Variants in LUZP2 observed in about 807,000 individuals in gnomAD.
The protein encoded by LUZP2 is leucine zipper protein 2.
LUZP2 carries 52 observed loss-of-function variants against 51.6 expected under a neutral mutation model. That is an observed-to-expected ratio of 1.01 (90% CI 0.81 to 1.27). The LOEUF (loss-of-function observed/expected upper bound fraction) is 1.27, where lower values mean the gene tolerates loss of function less well. Among genes scored for constraint, LUZP2 ranks in the 50% most tolerant of loss-of-function variants. The pLI, the probability that LUZP2 is intolerant of heterozygous loss-of-function variation, is 0.00. For synonymous variants in LUZP2, 154 were observed against 137.3 expected (o/e 1.12, Z -0.85); for missense variants, 436 against 395.4 (o/e 1.10, Z -0.87).
chr11:24,647,978 CT>C (rs1386132417), intron 1 of LUZP2, among the ~76,000 whole-genome samples: 2 of 151,838 alleles, frequency 1.3e-5, no homozygotes, highest in African/African-American at 4.8e-5. Context: ...GTACTCTTTT[CT>C]ATCATTACTC....
chr11:24,731,340 G>T (rs1412830674), intron 2 of LUZP2, among the ~76,000 whole-genome samples: 1 of 146,558 alleles, frequency 6.8e-6, no homozygotes, highest in Non-Finnish European at 1.5e-5. Flanking sequence ...CTATTCTTTT[G>T]CAAACAATAT....
chr11:24,527,565 TCTCA>T (rs200349058), intron 1 of LUZP2, among the ~76,000 whole-genome samples: 12,611 of 124,386 alleles, frequency 0.1, 588 homozygotes, highest in African/African-American at 0.15. Flanking sequence ...TCTCTCTCTC[TCTCA>T]CACACACACA....
chr11:25,040,660 C>T (rs1259705218), intron 9 of LUZP2, among the ~76,000 whole-genome samples: 1 of 152,050 alleles, frequency 6.6e-6, no homozygotes, highest in Non-Finnish European at 1.5e-5. Context: ...GTTGCAATAT[C>T]CCAAGAGTTC....
At chr11:24,545,555 C>CT (rs3992984) in intron 1 of LUZP2, among the ~76,000 whole-genome samples, 12,561 of 120,684 alleles carry the variant, frequency 0.1, 1,036 homozygotes, top group East Asian at 0.19. Context: ...TTGTTGCTTG[C>CT]TTTTTTTTTT....
At chr11:24,791,220 C>T (rs1849398789) in intron 5 of LUZP2, among the ~76,000 whole-genome samples, 1 of 152,068 alleles carries the variant, frequency 6.6e-6, no homozygotes, top group South Asian at 2.1e-4. Flanking sequence ...TATTACAGAT[C>T]CAAGCTATCT....
At chr11:25,017,933 C>T (rs191803455) in intron 9 of LUZP2, among the ~76,000 whole-genome samples, 1 of 152,014 alleles carries the variant, frequency 6.6e-6, no homozygotes, top group East Asian at 1.9e-4. Context: ...TTTCCATTTG[C>T]TTGTGTCATC....
Position 24,644,488 on chromosome 11 carries a change from CTCTTT to C in LUZP2, c.63-84679_63-84675del, listed in dbSNP as rs1294719724. Among the ~76,000 whole-genome samples the C allele has an allele frequency of 2.7e-4, 41 of 151,836 alleles. No individual in the cohort carries two copies. The South Asian group carries it at 4.0e-3, about 15-fold the overall frequency. ...CACACATTCTCCTCCTTTCCAACCT[CTCTTT>C]TTTTTTTTTTCACAGCTACCCAACT... On this transcript the variant is annotated intron_variant, in intron 1 of 11. Transcript: ENST00000336930.
At chr11:24,589,428 A>G (rs939466779) in intron 1 of LUZP2, among the ~76,000 whole-genome samples, 2 of 152,198 alleles carry the variant, frequency 1.3e-5, no homozygotes, top group African/African-American at 2.4e-5. Flanking sequence ...GATATTCTTT[A>G]AAGTTCCTGT....
chr11:25,015,397 A>G (rs1857120678), intron 9 of LUZP2, among the ~76,000 whole-genome samples: 1 of 152,132 alleles, frequency 6.6e-6, no homozygotes, highest in Non-Finnish European at 1.5e-5. Flanking sequence ...TACAGACCCT[A>G]TTTGGGTTTC....
chr11:24,854,106 C>A (rs979337816), intron 5 of LUZP2, among the ~76,000 whole-genome samples: 1 of 152,214 alleles, frequency 6.6e-6, no homozygotes, highest in African/African-American at 2.4e-5. Flanking sequence ...GTCAGGGACC[C>A]ATTTGAGGAG....
At chr11:24,759,450 A>G (rs909549228) in intron 4 of LUZP2, among the ~76,000 whole-genome samples, 2 of 152,134 alleles carry the variant, frequency 1.3e-5, no homozygotes, top group African/African-American at 4.8e-5. Context: ...TATGTCTTGA[A>G]TATTTAAGTA....
intron 1 of LUZP2, among the ~76,000 whole-genome samples, chr11:24,613,894 T>G (rs1229792719): frequency 6.6e-6 from 1 of 152,034 alleles, no homozygotes; most frequent in African/African-American, 2.4e-5. Flanking sequence ...ATCTTAAATA[T>G]CCCATGAAAA....
At chr11:24,568,808 G>T (rs1876821) in intron 1 of LUZP2, among the ~76,000 whole-genome samples, 61,287 of 151,792 alleles carry the variant, frequency 0.4, 12,833 homozygotes, top group Middle Eastern at 0.49. Flanking sequence ...AGGATGATTT[G>T]AAAGTTGTTA....
intron 1 of LUZP2, among the ~76,000 whole-genome samples, chr11:24,619,092 G>T (rs1854402247): frequency 6.6e-6 from 1 of 151,994 alleles, no homozygotes. Context: ...GCAATGGCAT[G>T]ATCGTAGCTC....
At chr11:24,654,769 C>T (rs1855749177) in intron 1 of LUZP2, among the ~76,000 whole-genome samples, 1 of 151,976 alleles carries the variant, frequency 6.6e-6, no homozygotes, top group East Asian at 1.9e-4. Flanking sequence ...AGGTGATCCA[C>T]CCGCTTCGGC....
chr11:24,735,940 G>C (rs1236822943), intron 3 of LUZP2, among the ~76,000 whole-genome samples: 1 of 151,894 alleles, frequency 6.6e-6, no homozygotes, highest in Non-Finnish European at 1.5e-5. Flanking sequence ...GAAATCTATA[G>C]CTAGCTAAAG....
chr11:24,512,499 C>T (rs796504400), intron 1 of LUZP2, among the ~76,000 whole-genome samples: 1 of 152,222 alleles, frequency 6.6e-6, no homozygotes, highest in South Asian at 2.1e-4. Flanking sequence ...GAGAGAACTT[C>T]ATCATAATCA....
chr11:24,512,173 A>C (rs1186797012), intron 1 of LUZP2, among the ~76,000 whole-genome samples: 1 of 152,222 alleles, frequency 6.6e-6, no homozygotes, highest in Non-Finnish European at 1.5e-5. Flanking sequence ...CTGGAAGCAA[A>C]GGAAAAGGTG....
chr11:24,745,291 A>G (rs1859337485), intron 4 of LUZP2, among the ~76,000 whole-genome samples: 1 of 152,014 alleles, frequency 6.6e-6, no homozygotes, highest in Non-Finnish European at 1.5e-5. Context: ...CCTTTCTAGT[A>G]CTGTCAGTGG....
Sources: allele counts gnomAD v4.1 joint callset (sites outside exome capture counted in the v4.1 genomes callset), GRCh38; gene constraint gnomAD v4.1.1; transcripts MANE v1.5; gene names NCBI Gene and HGNC (gene_info 2026-07-23, HGNC 2026-07-21).